CCNT2: variants seen among roughly 807,000 people sequenced by gnomAD.
CCNT2 encodes the protein cyclin-T2.
CCNT2 carries 18 observed loss-of-function variants against 70.0 expected under a neutral mutation model. That is an observed-to-expected ratio of 0.26 (90% confidence interval 0.18 to 0.38). CCNT2 has a LOEUF of 0.38. Among genes scored for constraint, CCNT2 ranks in the 10% least tolerant of loss-of-function variants. The probability of loss-of-function intolerance (pLI) is 1.00; values close to 1 mark genes in which losing one functional copy is unlikely to be tolerated. For missense variants in CCNT2, 734 were observed against 890.2 expected (o/e 0.82, Z 2.23); for synonymous variants, 334 against 313.3 (o/e 1.07, Z -0.70).
At chr2:134,944,442 T>C (rs1391563487) in intron 5 of CCNT2, 16 of 966,468 alleles carry the variant, frequency 1.7e-5, no homozygotes, top group Non-Finnish European at 1.8e-5. Context: ...TGAGTCAACT[T>C]TAAATTCTTT....
In CCNT2 at chr2:134,936,909, T is replaced by TA; in HGVS notation, c.310dup (p.Ile104AsnfsTer18). ...AACAGGCTCGAAAACTTGAACATGT[T>TA]ATCAAAGTAGCACATGCTTGTCTTC... On this transcript the variant is annotated frameshift_variant, in exon 3 of 9. Transcript: ENST00000264157. LOFTEE classifies it high-confidence loss of function. 6.2e-7 allele frequency: 1 copy of TA among 1,611,780 alleles called. No individual in the cohort carries two copies. The highest frequency in any genetic ancestry group is 8.5e-7 in the Non-Finnish European group (1 of 1,177,882).
At position 134,954,314 on chromosome 2, in the gene CCNT2, G is replaced by A. The variant is rs1481751244; in HGVS notation, c.1859G>A (p.Arg620Lys). ...TCTAGCTCCAGCTCTTCAAGGAAGA[G>A]GCTGCATGTCAATGATGCATCTCAC... ...ISSSSSSSRK[R>K]LHVNDASHNH... The change falls in exon 9 of 9, where the codon AGG (arginine) becomes AAG (lysine). Residue 620 changes from arginine to lysine, a missense_variant. Physicochemically the swap from Arg to Lys is conservative, Grantham distance 26. Transcript: ENST00000264157. The A allele has an allele frequency of 1.2e-6, 2 of 1,614,052 alleles. No individual in the cohort carries two copies. Among genetic ancestry groups the A allele is most frequent in the Admixed American group, 1.7e-5 (1 of 60,004 alleles).
intron 2 of CCNT2, among the ~76,000 whole-genome samples, chr2:134,923,623 A>G (rs1680073976): frequency 6.6e-6 from 1 of 152,230 alleles, no homozygotes; most frequent in Non-Finnish European, 1.5e-5. Flanking sequence ...AGCCTAGATG[A>G]TTTTTAAATT....
intron 3 of CCNT2, among the ~76,000 whole-genome samples, chr2:134,937,968 C>T (rs1681287376): frequency 6.6e-6 from 1 of 152,094 alleles, no homozygotes; most frequent in Non-Finnish European, 1.5e-5. Context: ...GGAACCTTTA[C>T]CCATTGAATG....
At chr2:134,944,999 T>A (rs1174598810) in intron 5 of CCNT2, 2 of 985,334 alleles carry the variant, frequency 2.0e-6, no homozygotes, top group Non-Finnish European at 2.4e-6. Flanking sequence ...GGTATTATGC[T>A]ACTTTGCTGC....
chr2:134,952,544 G>A, intron 7 of CCNT2, 97 bp from the exon 8 acceptor site: 2 of 643,668 alleles, frequency 3.1e-6, no homozygotes, highest in Non-Finnish European at 5.3e-6. Flanking sequence ...AAGTGAAGTA[G>A]ATGAACTCCT....
chr2:134,950,213 G>GT (rs1352569841), intron 7 of CCNT2, among the ~76,000 whole-genome samples: 1 of 152,180 alleles, frequency 6.6e-6, no homozygotes, highest in East Asian at 1.9e-4. Flanking sequence ...TTTATGTGGG[G>GT]TTTTTTGACA....
chr2:134,945,160 C>A, intron 5 of CCNT2: 1 of 985,340 alleles, frequency 1.0e-6, no homozygotes, highest in Non-Finnish European at 1.2e-6. Context: ...TTTTGTAAAA[C>A]CTTTATGTTG....
chr2:134,919,066 G>A lies in CCNT2; in HGVS notation c.158+54G>A, dbSNP rs145758274. ...GCCCTGTTTCCCTTGCCCGGTCGCCGGGCCTGGTGCCCCGCGAACATGGCG... is the reference window on the plus strand; with the variant it reads ...GCCCTGTTTCCCTTGCCCGGTCGCCAGGCCTGGTGCCCCGCGAACATGGCG... On this transcript the variant is annotated intron_variant, in intron 1 of 8. Transcript: ENST00000264157. The A allele has an allele frequency of 5.9e-6, 9 of 1,525,524 alleles. No homozygotes were observed. The East Asian group carries it at 2.1e-4, about 36-fold the overall frequency. The allele number at this position is 1,525,524 out of a possible 1,614,324, so 94.5% of individuals were successfully genotyped here.
intron 7 of CCNT2, 117 bp downstream of exon 7, chr2:134,948,016 C>T (rs1682122731): frequency 1.9e-6 from 1 of 536,878 alleles, no homozygotes; most frequent in East Asian, 3.2e-5. Context: ...AACAATTCAT[C>T]AGCCTAAAGA....
chr2:134,953,579 G>A lies in CCNT2; in HGVS notation c.1124G>A (p.Ser375Asn). The change falls in exon 9 of 9, where the codon AGC (serine) becomes AAC (asparagine). Residue 375 changes from serine to asparagine, a missense_variant. By Grantham distance (46) the Ser-to-Asn change is conservative (BLOSUM62 1). This residue lies in a region of CCNT2 where 532 missense variants were observed against 556.9 expected (regional missense o/e 0.96). Coordinates refer to ENST00000264157, the MANE Select transcript of CCNT2 (RefSeq NM_058241.3). ...AAACAGGAGACATCTTTGTCTGGTA[G>A]CCAGTACAACATCAACTTCCAGCAG... is the stretch of plus-strand genomic sequence containing the variant. Reference protein sequence around the residue: ...SQKQETSLSGSQYNINFQQGP... With the variant: ...SQKQETSLSGNQYNINFQQGP... The A allele has an allele frequency of 6.2e-7, 1 of 1,614,098 alleles. No homozygotes were observed. The highest frequency in any genetic ancestry group is 8.5e-7 in the Non-Finnish European group (1 of 1,179,972).
chr2:134,956,249 A>G lies in CCNT2; in HGVS notation c.*1601A>G, dbSNP rs529899510. 4 of 152,648 alleles carry G rather than the reference A, an allele frequency of 2.6e-5. No individual in the cohort carries two copies. Among genetic ancestry groups the G allele is most frequent in the Admixed American group, 6.5e-5 (1 of 15,288 alleles). The allele number at this position is 152,648 out of a possible 1,614,324, so 9.5% of individuals were successfully genotyped here. ...GTTGTAAATATTAGAGTTTAATCTC[A>G]TGCTCTACCTTTATTTAGCAATTAC... is the stretch of plus-strand genomic sequence containing the variant. On this transcript the variant is annotated 3_prime_UTR_variant, in exon 9 of 9. Coordinates refer to ENST00000264157, the MANE Select transcript of CCNT2 (RefSeq NM_058241.3).
At chr2:134,923,497 T>G (rs916163157) in intron 2 of CCNT2, among the ~76,000 whole-genome samples, 6 of 152,198 alleles carry the variant, frequency 3.9e-5, no homozygotes, top group Non-Finnish European at 8.8e-5. Context: ...CCAAGATCCA[T>G]TAGCATTACT....
chr2:134,927,691 T>G (rs930266035), intron 2 of CCNT2, among the ~76,000 whole-genome samples: 2 of 152,186 alleles, frequency 1.3e-5, no homozygotes, highest in Admixed American at 1.3e-4. Context: ...ATAGCTAAAA[T>G]TGGTTAAGGT....
At chr2:134,939,467 TTTA>T (rs1461576491) in intron 4 of CCNT2, among the ~76,000 whole-genome samples, 2 of 151,940 alleles carry the variant, frequency 1.3e-5, no homozygotes, top group Non-Finnish European at 2.9e-5. Context: ...TATTTATTTA[TTTA>T]TTTATTTATT....
intron 2 of CCNT2, among the ~76,000 whole-genome samples, chr2:134,931,794 C>T (rs1313731870): frequency 6.6e-6 from 1 of 152,058 alleles, no homozygotes; most frequent in Non-Finnish European, 1.5e-5. Flanking sequence ...GAGAAGGGAT[C>T]TCACTCTGTT....
At chr2:134,924,344 C>A (rs139328493) in intron 2 of CCNT2, among the ~76,000 whole-genome samples, 225 of 152,274 alleles carry the variant, frequency 1.5e-3, no homozygotes, top group African/African-American at 5.2e-3. Context: ...ATAAAACAAC[C>A]TTGTAATCAC....
rs79743242 is a variant in CCNT2, at chr2:134,933,903, A to G, written c.241-2938A>G. On this transcript the variant is annotated intron_variant, in intron 2 of 8. Coordinates refer to ENST00000264157, the MANE Select transcript of CCNT2 (RefSeq NM_058241.3). ...AGCAGGTACTATTAATATTTCTCCC[A>G]TTTTACAGATGCAGAAACTGAGCCA... 8.5e-3 allele frequency among the ~76,000 whole-genome samples: 1,296 copies of G among 152,254 alleles called. 17 individuals carry two copies. The highest frequency in any genetic ancestry group is 0.03 in the African/African-American group (1,237 of 41,544).
In CCNT2 at chr2:134,938,998, A is replaced by G. The variant is rs1489882525; in HGVS notation, c.370-4A>G. ...ATCAATTTGATAATATTTTTATCTG[A>G]CAGGCTTACCTTCAACAGACTCAAG... is the stretch of plus-strand genomic sequence containing the variant. On this transcript the variant is annotated splice_region_variant and splice_polypyrimidine_tract_variant and intron_variant, in intron 3 of 8. Transcript: ENST00000264157. The G allele has an allele frequency of 1.3e-6, 2 of 1,593,260 alleles. No individual in the cohort carries two copies. The highest frequency in any genetic ancestry group is 1.3e-5 in the African/African-American group (1 of 74,586).
Sources: allele counts gnomAD v4.1 joint callset (sites outside exome capture counted in the v4.1 genomes callset), GRCh38; gene constraint gnomAD v4.1.1; regional missense constraint gnomAD v4.1.1; transcripts MANE v1.5; gene names NCBI Gene and HGNC (gene_info 2026-07-23, HGNC 2026-07-21).